TSG101: variants seen among roughly 807,000 people sequenced by gnomAD.
TSG101 encodes the protein tumor susceptibility gene 101 protein.
Under a neutral mutation model 48.5 loss-of-function variants are expected in TSG101, and 19 were observed. The ratio of observed to expected loss-of-function variants is 0.39; its 90% confidence interval spans 0.27 to 0.58. The LOEUF is 0.58. Among genes scored for constraint, TSG101 ranks in the 20% least tolerant of loss-of-function variants. The pLI is 0.55. For synonymous variants in TSG101, 174 were observed against 169.4 expected (o/e 1.03, Z -0.21); for missense variants, 365 against 484.4 (o/e 0.75, Z 2.31).
chr11:18,508,158 G>A (rs746942523), intron 5 of TSG101, among the ~76,000 whole-genome samples: 12 of 151,628 alleles, frequency 7.9e-5, no homozygotes, highest in South Asian at 4.2e-4. Flanking sequence ...TTGTCATAGC[G>A]GTCACTCGCT....
chr11:18,499,186 T>C (rs1166763635), intron 7 of TSG101, among the ~76,000 whole-genome samples: 3 of 132,714 alleles, frequency 2.3e-5, no homozygotes, highest in African/African-American at 8.2e-5. Context: ...GAGAAGAGGA[T>C]TCTTTTTTAA....
chr11:18,523,197 A>G (rs546859483), intron 1 of TSG101, among the ~76,000 whole-genome samples: 1 of 152,290 alleles, frequency 6.6e-6, no homozygotes. Context: ...TCAAGCACAC[A>G]GTTTCTTTAC....
At chr11:18,490,859 C>T in intron 7 of TSG101, 1 of 534,972 alleles carries the variant, frequency 1.9e-6, no homozygotes, top group South Asian at 1.6e-5. Context: ...GTATTCATGC[C>T]TCGTTCTGTG....
chr11:18,504,737 T>C (rs1849941874), intron 6 of TSG101, among the ~76,000 whole-genome samples: 1 of 152,240 alleles, frequency 6.6e-6, no homozygotes, highest in African/African-American at 2.4e-5. Flanking sequence ...TGTAGCTTTA[T>C]TGTTCAGAAG....
chr11:18,486,025 C>T (rs1299845433), intron 7 of TSG101, among the ~76,000 whole-genome samples: 4 of 152,236 alleles, frequency 2.6e-5, no homozygotes, highest in African/African-American at 9.6e-5. Context: ...TTTTCCAATA[C>T]TACCTATGGC....
intron 4 of TSG101, among the ~76,000 whole-genome samples, chr11:18,513,057 T>C (rs1850115771): frequency 6.6e-6 from 1 of 152,040 alleles, no homozygotes; most frequent in African/African-American, 2.4e-5. Context: ...AGGCTCATTC[T>C]ACCTCTAAGT....
chr11:18,514,608 A>G, intron 4 of TSG101, 70 bp downstream of exon 4: 2 of 1,342,598 alleles, frequency 1.5e-6, no homozygotes, highest in South Asian at 3.5e-5. Flanking sequence ...TTGAGTGCTA[A>G]AAGAAAGCAG....
chr11:18,488,922 G>A (rs1365263674), intron 7 of TSG101, among the ~76,000 whole-genome samples: 3 of 151,956 alleles, frequency 2.0e-5, no homozygotes, highest in Admixed American at 1.3e-4. Context: ...TCCAGAGATC[G>A]AGATCAACAT....
intron 2 of TSG101, among the ~76,000 whole-genome samples, chr11:18,517,101 T>C (rs1401797735): frequency 2.0e-5 from 3 of 152,102 alleles, no homozygotes; most frequent in Non-Finnish European, 4.4e-5. Context: ...TTGTGCAGGC[T>C]ATCCTCAAAC....
chr11:18,492,970 C>T (rs963884708), intron 7 of TSG101, among the ~76,000 whole-genome samples: 1 of 152,156 alleles, frequency 6.6e-6, no homozygotes, highest in African/African-American at 2.4e-5. Context: ...ACTTACCAAA[C>T]CAAACTTTCT....
At chr11:18,486,025 C>A (rs1299845433) in intron 7 of TSG101, among the ~76,000 whole-genome samples, 1 of 152,236 alleles carries the variant, frequency 6.6e-6, no homozygotes, top group Non-Finnish European at 1.5e-5. Flanking sequence ...TTTTCCAATA[C>A]TACCTATGGC....
intron 6 of TSG101, among the ~76,000 whole-genome samples, chr11:18,504,673 T>A (rs1009254533): frequency 1.3e-5 from 2 of 152,188 alleles, no homozygotes; most frequent in Admixed American, 6.5e-5. Context: ...TTTTTGTAAC[T>A]TGGTATAAAA....
chr11:18,488,436 C>T (rs1158812413), intron 7 of TSG101, among the ~76,000 whole-genome samples: 5 of 152,114 alleles, frequency 3.3e-5, no homozygotes, highest in South Asian at 4.1e-4. Flanking sequence ...TATAGGGTCT[C>T]GTTAAAACAC....
At chr11:18,486,060 G>C (rs1034569534) in intron 7 of TSG101, among the ~76,000 whole-genome samples, 2 of 152,188 alleles carry the variant, frequency 1.3e-5, no homozygotes, top group Admixed American at 1.3e-4. Context: ...TTCTGAGCCT[G>C]TAAGAAGCCG....
At chr11:18,503,952 C>G (rs549794191) in intron 6 of TSG101, among the ~76,000 whole-genome samples, 1 of 152,182 alleles carries the variant, frequency 6.6e-6, no homozygotes, top group Non-Finnish European at 1.5e-5. Flanking sequence ...ACCTGTAATC[C>G]TAGCACTTTG....
intron 7 of TSG101, among the ~76,000 whole-genome samples, chr11:18,486,131 C>T (rs770403788): frequency 6.6e-6 from 1 of 152,230 alleles, no homozygotes; most frequent in Non-Finnish European, 1.5e-5. Context: ...ACCCCTGCAT[C>T]CCCTCTCCAG....
At chr11:18,509,725 G>T in intron 4 of TSG101, 60 bp from the exon 5 acceptor site, 2 of 1,493,914 alleles carry the variant, frequency 1.3e-6, no homozygotes, top group Non-Finnish European at 1.8e-6. Flanking sequence ...AAAAGAAAAA[G>T]GTTAGCCATT....
At chr11:18,496,127 T>C (rs1849772724) in intron 7 of TSG101, among the ~76,000 whole-genome samples, 1 of 152,160 alleles carries the variant, frequency 6.6e-6, no homozygotes, top group East Asian at 1.9e-4. Flanking sequence ...TTTTTGAACA[T>C]CTGGTAAATT....
intron 7 of TSG101, among the ~76,000 whole-genome samples, chr11:18,484,958 A>G (rs1590269311): frequency 7.8e-5 from 1 of 12,830 alleles, no homozygotes; most frequent in African/African-American, 3.5e-4. Flanking sequence ...TTTTTTTTTG[A>G]GATGGAGTCT....
Sources: gnomAD v4.1 joint callset for allele counts (sites outside exome capture counted in the v4.1 genomes callset) on GRCh38, gnomAD v4.1.1 for gene constraint, MANE v1.5 for transcripts, NCBI Gene and HGNC (gene_info 2026-07-23, HGNC 2026-07-21) for gene names.